RBFOX1: variants seen among roughly 807,000 people sequenced by gnomAD.
RBFOX1 encodes RNA binding protein fox-1 homolog 1.
RBFOX1 carries 8 observed loss-of-function variants against 57.7 expected under a neutral mutation model. The ratio of observed to expected loss-of-function variants is 0.14; its 90% CI spans 0.08 to 0.25. The LOEUF is 0.25. Among genes scored for constraint, RBFOX1 ranks in the 10% least tolerant of loss-of-function variants. RBFOX1 has a pLI of 1.00. For missense variants in RBFOX1, 611 were observed against 548.5 expected, an observed-to-expected ratio of 1.11 and a Z score of -1.14; for synonymous variants, 326 against 222.4, an observed-to-expected ratio of 1.47 and a Z score of -4.15.
intron 1 of RBFOX1, among the ~76,000 whole-genome samples, chr16:6,233,141 A>G (rs534566726): frequency 6.6e-6 from 1 of 152,236 alleles, no homozygotes; most frequent in African/African-American, 2.4e-5. Context: ...AGTGGGTATG[A>G]GCCCGATCAC....
chr16:6,113,804 G>C (rs1346314797), intron 1 of RBFOX1, among the ~76,000 whole-genome samples: 1 of 152,318 alleles, frequency 6.6e-6, no homozygotes, highest in East Asian at 1.9e-4. Flanking sequence ...GAAGGCGTCA[G>C]ACAGGCCGTG....
At chr16:6,716,104 G>C (rs1292903607) in intron 3 of RBFOX1, among the ~76,000 whole-genome samples, 2 of 152,334 alleles carry the variant, frequency 1.3e-5, no homozygotes, top group Non-Finnish European at 2.9e-5. Context: ...TTTGGAATTA[G>C]ATTGGCCTGA....
chr16:7,553,959 G>C (rs1001446418), intron 5 of RBFOX1, among the ~76,000 whole-genome samples: 3 of 152,174 alleles, frequency 2.0e-5, no homozygotes, highest in African/African-American at 7.2e-5. Context: ...AAGAATGTAA[G>C]AAGGCCAGGC....
chr16:5,402,336 G>C (rs1409912795), intron 1 of RBFOX1, among the ~76,000 whole-genome samples: 1 of 152,188 alleles, frequency 6.6e-6, no homozygotes, highest in African/African-American at 2.4e-5. Flanking sequence ...AAGACATAGT[G>C]CTGGGGGTCC....
intron 3 of RBFOX1, among the ~76,000 whole-genome samples, chr16:6,998,148 C>A (rs558267798): frequency 7.2e-5 from 11 of 151,974 alleles, no homozygotes; most frequent in African/African-American, 2.7e-4. Context: ...TATTTATTTA[C>A]TTATTGAGTG....
chr16:6,734,988 A>T (rs2069738479), intron 3 of RBFOX1, among the ~76,000 whole-genome samples: 1 of 152,030 alleles, frequency 6.6e-6, no homozygotes, highest in African/African-American at 2.4e-5. Flanking sequence ...ATTTTTTTTT[A>T]AAGTAGCCTG....
At chr16:6,513,476 G>C (rs904443989) in intron 2 of RBFOX1, among the ~76,000 whole-genome samples, 3 of 152,214 alleles carry the variant, frequency 2.0e-5, no homozygotes, top group Non-Finnish European at 4.4e-5. Context: ...GCTCACGTCT[G>C]TAATCTCATC....
chr16:6,474,312 C>G (rs1230482214), intron 2 of RBFOX1, among the ~76,000 whole-genome samples: 1 of 152,152 alleles, frequency 6.6e-6, no homozygotes, highest in Admixed American at 6.5e-5. Flanking sequence ...TTTCAGGACC[C>G]TTTAATCATA....
chr16:5,484,190 A>G (rs1196813797), intron 2 of RBFOX1, among the ~76,000 whole-genome samples: 1 of 152,138 alleles, frequency 6.6e-6, no homozygotes, highest in East Asian at 1.9e-4. Context: ...AACGAAAACA[A>G]AGATGCCAGC....
At chr16:7,084,272 G>C (rs932735665) in intron 4 of RBFOX1, among the ~76,000 whole-genome samples, 1 of 151,942 alleles carries the variant, frequency 6.6e-6, no homozygotes, top group African/African-American at 2.4e-5. Context: ...ATAGAGGTAT[G>C]AACTAATATA....
At chr16:6,533,079 A>G (rs1393720746) in intron 2 of RBFOX1, among the ~76,000 whole-genome samples, 2 of 152,230 alleles carry the variant, frequency 1.3e-5, no homozygotes, top group African/African-American at 4.8e-5. Context: ...CACTTGGCAT[A>G]GCCAGGAGCA....
intron 3 of RBFOX1, among the ~76,000 whole-genome samples, chr16:6,680,193 T>C (rs2058419148): frequency 6.6e-6 from 1 of 151,932 alleles, no homozygotes. Flanking sequence ...CGTATGGAGC[T>C]GCGCATATAT....
intron 1 of RBFOX1, among the ~76,000 whole-genome samples, chr16:5,263,072 CGGTGGTGGTGGT>C (rs758756491): frequency 2.8e-5 from 4 of 142,996 alleles, no homozygotes; most frequent in Admixed American, 1.4e-4. Flanking sequence ...GGCAGGGTGA[CGGTGGTGGTGGT>C]GGTGGTGGTG....
At chr16:5,327,871 T>C (rs954730552) in intron 1 of RBFOX1, among the ~76,000 whole-genome samples, 4 of 152,242 alleles carry the variant, frequency 2.6e-5, no homozygotes, top group African/African-American at 9.6e-5. Flanking sequence ...TGAATGGTTC[T>C]GTGGTCTGGG....
rs750285832 is a variant in RBFOX1 at position 6,892,775 on chromosome 16, CCTCTCTCTCTCTCTCTCT to C, written c.-15-159247_-15-159230del. 8.0e-3 allele frequency among the ~76,000 whole-genome samples: 675 copies of C among 84,742 alleles called. 7 individuals carry two copies. Among genetic ancestry groups the C allele is most frequent in the Middle Eastern group, 0.019 (2 of 108 alleles). 55.6% of individuals were successfully genotyped at this position (84,742 alleles called of 152,430 possible). A position where few individuals can be genotyped will look rare whatever the true frequency, so the allele number is the denominator to read the frequency against. On this transcript the variant is annotated intron_variant, in intron 3 of 15. Coordinates refer to ENST00000550418, the MANE Select transcript of RBFOX1 (RefSeq NM_018723.4). The stretch of plus-strand genomic sequence containing the variant: ...CATATTCTCAAAGCCTCCCTGTCTC[CCTCTCTCTCTCTCTCTCT>C]CTCTCTCTCTCTCTCTCTCTCTCTC...
At position 7,261,689 on chromosome 16, in the gene RBFOX1, C is replaced by T. The variant is rs138131938; in HGVS notation, c.27+209591C>T. ...TCTGACAGGATGCCAGTCCAAGCAT[C>T]CTTTTCCTTATTGATAAAAATAGGC... is the stretch of plus-strand genomic sequence containing the variant. On this transcript the variant is annotated intron_variant, in intron 4 of 15. Coordinates refer to ENST00000550418, the MANE Select transcript of RBFOX1 (RefSeq NM_018723.4). 4.7e-4 allele frequency among the ~76,000 whole-genome samples: 72 copies of T among 152,254 alleles called. No individual in the cohort carries two copies. In the East Asian group the frequency reaches 0.012, roughly 26 times the overall value.
intron 3 of RBFOX1, among the ~76,000 whole-genome samples, chr16:6,871,922 T>A (rs867616636): frequency 8.0e-5 from 11 of 138,322 alleles, no homozygotes. Context: ...TGTGTGTGTG[T>A]GTGTGTGTGT....
At position 5,497,639 on chromosome 16, in the gene RBFOX1, G is replaced by C. The variant is rs1471991684; in HGVS notation, c.258+30385G>C. The stretch of plus-strand genomic sequence containing the variant: ...TAAAAATACAAAAAAAAAAAAAAAA[G>C]CTGGGCATGGTGGCACACACTCCCA... On this transcript the variant is annotated intron_variant, in intron 2 of 2. Transcript: ENST00000585867. 9.1e-5 allele frequency among the ~76,000 whole-genome samples: 8 copies of C among 87,916 alleles called. No homozygotes were observed. In the African/African-American group the frequency reaches 1.4e-3, roughly 15 times the overall value. The allele number at this position is 87,916 out of a possible 152,430, so 57.7% of individuals were successfully genotyped here.
At chr16:5,657,779 T>C (rs1484401730) in intron 3 of RBFOX1, among the ~76,000 whole-genome samples, 3 of 141,588 alleles carry the variant, frequency 2.1e-5, no homozygotes, top group East Asian at 4.1e-4. Context: ...GTCACCCAGG[T>C]TGGAGTACAG....
Sources: gnomAD v4.1 joint callset for allele counts (sites outside exome capture counted in the v4.1 genomes callset) on GRCh38, gnomAD v4.1.1 for gene constraint, MANE v1.5 for transcripts, NCBI Gene and HGNC (gene_info 2026-07-23, HGNC 2026-07-21) for gene names.